The following TAFA1 variants were observed in gnomAD, a reference collection of about 807,000 sequenced individuals.
TAFA1 encodes TAFA chemokine like family member 1, also known as chemokine-like protein TAFA-1.
In TAFA1, 4 loss-of-function variants were observed where a neutral mutation model predicts 18.5. The observed-to-expected ratio is 0.22, with a 90% CI of 0.11 to 0.49. The LOEUF is 0.49. Ranked by LOEUF, TAFA1 falls within the 20% of genes least tolerant of loss-of-function variation. TAFA1 has a pLI of 0.98. For missense variants in TAFA1, 147 were observed against 169.0 expected, an observed-to-expected ratio of 0.87 and a Z score of 0.72; for synonymous variants, 56 against 55.2, an observed-to-expected ratio of 1.01 and a Z score of -0.06.
intron 3 of TAFA1, among the ~76,000 whole-genome samples, chr3:68,437,066 C>T (rs1435291951): frequency 6.6e-6 from 1 of 151,992 alleles, no homozygotes; most frequent in Non-Finnish European, 1.5e-5. Flanking sequence ...AGTAAGAAGA[C>T]AGGGGAAATG....
intron 3 of TAFA1, among the ~76,000 whole-genome samples, chr3:68,440,222 C>A (rs1477828478): frequency 6.6e-6 from 1 of 152,158 alleles, no homozygotes; most frequent in African/African-American, 2.4e-5. Context: ...CACGAACTCT[C>A]TTCTATTGTC....
Position 68,312,891 on chromosome 3 carries a change from G to A in TAFA1, c.119-104389G>A, listed in dbSNP as rs541225124. ...GACTAGGTAATTTACAAAAGAAAGA[G>A]GTTTAATTTGACTTACAGTTCCACA... is the stretch of plus-strand genomic sequence containing the variant. On this transcript the variant is annotated intron_variant, in intron 2 of 4. Transcript: ENST00000478136. Among the ~76,000 whole-genome samples the A allele has an allele frequency of 8.5e-5, 13 of 152,302 alleles. No individual in the cohort carries two copies. In the South Asian group the frequency reaches 2.3e-3, roughly 27 times the overall value.
intron 2 of TAFA1, among the ~76,000 whole-genome samples, chr3:68,363,835 A>G (rs1286601747): frequency 6.6e-6 from 1 of 152,140 alleles, no homozygotes; most frequent in Non-Finnish European, 1.5e-5. Context: ...ACGCAAACTG[A>G]AGACACAGGC....
chr3:68,434,144 G>A (rs11914870), intron 3 of TAFA1, among the ~76,000 whole-genome samples: 34,008 of 151,956 alleles, frequency 0.22, 4,558 homozygotes, highest in East Asian at 0.62. Context: ...TGAATTGGCA[G>A]TGAACTCTTC....
At chr3:68,199,290 G>T (rs1045111467) in intron 2 of TAFA1, among the ~76,000 whole-genome samples, 1 of 151,530 alleles carries the variant, frequency 6.6e-6, no homozygotes, top group Non-Finnish European at 1.5e-5. Context: ...AAAGCAGATA[G>T]TGTCAGTCTT....
intron 2 of TAFA1, among the ~76,000 whole-genome samples, chr3:68,303,356 A>G (rs932363845): frequency 2.6e-5 from 4 of 152,250 alleles, no homozygotes; most frequent in African/African-American, 9.6e-5. Context: ...TGACCATAAC[A>G]TAACACTTCA....
At chr3:68,276,803 G>T (rs562461745) in intron 2 of TAFA1, among the ~76,000 whole-genome samples, 3 of 152,150 alleles carry the variant, frequency 2.0e-5, no homozygotes, top group African/African-American at 7.2e-5. Flanking sequence ...AGTTTGTGGA[G>T]GGAGGGAGGA....
At chr3:68,011,658 T>C (rs1339696545) in intron 2 of TAFA1, among the ~76,000 whole-genome samples, 1 of 152,216 alleles carries the variant, frequency 6.6e-6, no homozygotes, top group South Asian at 2.1e-4. Flanking sequence ...GGTACAACTA[T>C]GGTCGCATAT....
At chr3:68,136,881 C>A (rs1033885510) in intron 2 of TAFA1, among the ~76,000 whole-genome samples, 9 of 152,084 alleles carry the variant, frequency 5.9e-5, no homozygotes, top group Middle Eastern at 3.2e-3. Context: ...AGTTTTAGCC[C>A]AGTGGTTTGC....
intron 1 of TAFA1, 25 bp from the exon 2 acceptor site, chr3:68,006,599 C>T: frequency 1.3e-6 from 2 of 1,553,940 alleles, no homozygotes; most frequent in Non-Finnish European, 1.8e-6. Context: ...CGGAGGTAAC[C>T]TTTCCTGTCG....
At chr3:68,232,865 A>G (rs1408077018) in intron 2 of TAFA1, among the ~76,000 whole-genome samples, 3 of 152,142 alleles carry the variant, frequency 2.0e-5, no homozygotes, top group African/African-American at 4.8e-5. Context: ...TGGTCCCTCA[A>G]AATGCTGGGA....
intron 4 of TAFA1, among the ~76,000 whole-genome samples, chr3:68,542,625 G>C (rs892480632): frequency 6.6e-6 from 1 of 152,102 alleles, no homozygotes; most frequent in Non-Finnish European, 1.5e-5. Context: ...TTTGGCAAAG[G>C]TTATGAATGC....
intron 2 of TAFA1, among the ~76,000 whole-genome samples, chr3:68,099,805 AC>A (rs1433394257): frequency 4.6e-5 from 7 of 152,318 alleles, no homozygotes; most frequent in African/African-American, 1.7e-4. Context: ...ACCATGGAAT[AC>A]TACACAGCCA....
intron 2 of TAFA1, among the ~76,000 whole-genome samples, chr3:68,088,859 C>T (rs1215570210): frequency 6.6e-6 from 1 of 152,194 alleles, no homozygotes; most frequent in African/African-American, 2.4e-5. Context: ...TTGCAGCAGT[C>T]TCACTGGAGA....
chr3:68,136,390 G>A (rs1215928407), intron 2 of TAFA1, among the ~76,000 whole-genome samples: 1 of 152,190 alleles, frequency 6.6e-6, no homozygotes, highest in African/African-American at 2.4e-5. Context: ...CTGCTGTAAA[G>A]TAAAGGTACA....
rs192384771 is a variant in TAFA1, at chr3:68,430,272, G to A, written c.259+12852G>A. ...TACAGCTCAAGCTAGTGGGTGAGCAGCATTGCAGGCATAGAAGAGAGCATG... is the reference window on the plus strand; with the variant it reads ...TACAGCTCAAGCTAGTGGGTGAGCAACATTGCAGGCATAGAAGAGAGCATG... On this transcript the variant is annotated intron_variant, in intron 3 of 4. Coordinates refer to ENST00000478136, the MANE Select transcript of TAFA1 (RefSeq NM_213609.4). Among the ~76,000 whole-genome samples the A allele has an allele frequency of 1.1e-3, 170 of 152,068 alleles. 1 individual carries two copies. Among genetic ancestry groups the A allele is most frequent in the Non-Finnish European group, 2.4e-4 (16 of 67,918 alleles).
chr3:68,177,882 C>A (rs527696466), intron 2 of TAFA1, among the ~76,000 whole-genome samples: 1 of 152,164 alleles, frequency 6.6e-6, no homozygotes, highest in Admixed American at 6.5e-5. Flanking sequence ...TGGTGGCTCA[C>A]GCCTGTAATC....
At chr3:68,463,374 C>T (rs1351242916) in intron 3 of TAFA1, among the ~76,000 whole-genome samples, 1 of 152,156 alleles carries the variant, frequency 6.6e-6, no homozygotes, top group African/African-American at 2.4e-5. Context: ...CTGATTTAAA[C>T]AACTTGCAAC....
chr3:68,052,497 T>G (rs1285027256), intron 2 of TAFA1, among the ~76,000 whole-genome samples: 1 of 152,198 alleles, frequency 6.6e-6, no homozygotes. Flanking sequence ...AGAAGATACA[T>G]CTCATAAATT....
Sources: allele counts gnomAD v4.1 joint callset (sites outside exome capture counted in the v4.1 genomes callset), GRCh38; gene constraint gnomAD v4.1.1; transcripts MANE v1.5; gene names NCBI Gene and HGNC (gene_info 2026-07-23, HGNC 2026-07-21).